Variants in ATXN1 observed in about 807,000 individuals in gnomAD.
ATXN1 encodes ataxin-1.
Under a neutral mutation model 56.4 loss-of-function variants are expected in ATXN1, and 8 were observed. That is an observed-to-expected ratio of 0.14 (90% CI 0.08 to 0.26). The LOEUF (loss-of-function observed/expected upper bound fraction) is 0.26. Among genes scored for constraint, ATXN1 ranks in the 10% least tolerant of loss-of-function variants. The probability of loss-of-function intolerance (pLI) is 1.00; values close to 1 mark genes in which losing one functional copy is unlikely to be tolerated. For missense variants in ATXN1, 987 were observed against 1,106.5 expected (o/e 0.89, Z 1.53); for synonymous variants, 514 against 494.6 (o/e 1.04, Z -0.52).
chr6:16,435,212 C>T (rs1462015635), intron 6 of ATXN1, among the ~76,000 whole-genome samples: 1 of 152,092 alleles, frequency 6.6e-6, no homozygotes, highest in Admixed American at 6.5e-5. Context: ...GTTCAGGTGA[C>T]ATTGTGATAC....
At chr6:16,618,970 T>C (rs1470493920) in intron 3 of ATXN1, among the ~76,000 whole-genome samples, 7 of 151,656 alleles carry the variant, frequency 4.6e-5, no homozygotes, top group Admixed American at 1.3e-4. Flanking sequence ...AAGACAAAAA[T>C]AAGCAATGAA....
intron 2 of ATXN1, among the ~76,000 whole-genome samples, chr6:16,740,289 G>A (rs1760292351): frequency 6.6e-6 from 1 of 152,122 alleles, no homozygotes; most frequent in Admixed American, 6.5e-5. Context: ...CTTAATTATT[G>A]GGGAAGTAAC....
intron 2 of ATXN1, among the ~76,000 whole-genome samples, chr6:16,735,809 C>A (rs754709135): frequency 6.6e-6 from 1 of 151,656 alleles, no homozygotes; most frequent in Admixed American, 6.6e-5. Context: ...GGCAACAGTG[C>A]GAGACTCCAT....
chr6:16,662,969 ATTTTTTT>A (rs57242101), intron 2 of ATXN1, among the ~76,000 whole-genome samples: 5 of 129,646 alleles, frequency 3.9e-5, no homozygotes, highest in Non-Finnish European at 6.4e-5. Flanking sequence ...TTCTGTTTGG[ATTTTTTT>A]TTTTTTTTTT....
chr6:16,538,429 CT>C (rs562251535), intron 4 of ATXN1, among the ~76,000 whole-genome samples: 5 of 151,644 alleles, frequency 3.3e-5, no homozygotes, highest in African/African-American at 1.2e-4. Context: ...TTTTTTTAAT[CT>C]TTTTTTTGTT....
chr6:16,464,746 T>TAA (rs34230333), intron 6 of ATXN1, among the ~76,000 whole-genome samples: 6 of 140,032 alleles, frequency 4.3e-5, no homozygotes, highest in Non-Finnish European at 6.2e-5. Context: ...ACAGGGATAG[T>TAA]AAAAAAAAAA....
chr6:16,605,225 C>T lies in ATXN1; in HGVS notation c.-488-19318G>A, dbSNP rs115569391. Among the ~76,000 whole-genome samples the T allele has an allele frequency of 8.6e-3, 1,316 of 152,278 alleles. 15 individuals carry two copies. Among genetic ancestry groups the T allele is most frequent in the African/African-American group, 0.029 (1,205 of 41,554 alleles). ...GTATAAGTTACATTTTATGACAACA[C>T]TAAATTCTCCTTTATATGTTCAGGC... On this transcript the variant is annotated intron_variant, in intron 3 of 7. Transcript: ENST00000436367.
chr6:16,346,701 T>C (rs559874582), intron 6 of ATXN1, among the ~76,000 whole-genome samples: 3 of 152,082 alleles, frequency 2.0e-5, no homozygotes, highest in South Asian at 2.1e-4. Context: ...TGGAGTGTAG[T>C]GAGAGGTGAC....
intron 2 of ATXN1, among the ~76,000 whole-genome samples, chr6:16,691,972 C>G (rs1203454961): frequency 1.3e-5 from 2 of 152,196 alleles, no homozygotes; most frequent in African/African-American, 4.8e-5. Context: ...TTAGAACAAG[C>G]CTTAGAATAG....
intron 3 of ATXN1, among the ~76,000 whole-genome samples, chr6:16,631,807 T>C (rs1394154546): frequency 6.6e-6 from 1 of 152,208 alleles, no homozygotes; most frequent in Admixed American, 6.5e-5. Context: ...TCTGTATGTT[T>C]TTTGAAGAAT....
At chr6:16,457,168 TA>T (rs759065716) in intron 6 of ATXN1, among the ~76,000 whole-genome samples, 11 of 152,180 alleles carry the variant, frequency 7.2e-5, no homozygotes, top group Non-Finnish European at 1.5e-4. Flanking sequence ...TAAGGGCCAC[TA>T]AATCTGACTT....
intron 6 of ATXN1, among the ~76,000 whole-genome samples, chr6:16,341,186 G>A (rs984813454): frequency 2.0e-5 from 3 of 152,208 alleles, no homozygotes; most frequent in Non-Finnish European, 4.4e-5. Context: ...CAATACAAAG[G>A]AGGATGCACA....
intron 4 of ATXN1, among the ~76,000 whole-genome samples, chr6:16,570,607 G>A (rs556962154): frequency 2.8e-4 from 43 of 152,264 alleles, no homozygotes; most frequent in African/African-American, 9.9e-4. Context: ...AAAACAGCTT[G>A]CTCACTTCAT....
At chr6:16,550,153 T>TACAAAAAAAAAAAAAAAAAAAAAAAA (rs1761893336) in intron 4 of ATXN1, among the ~76,000 whole-genome samples, 1 of 34,196 alleles carries the variant, frequency 2.9e-5, no homozygotes, top group African/African-American at 9.0e-5. Context: ...ATAAATAAAA[T>TACAAAAAAAAAAAAAAAAAAAAAAAA]ACAAAAAAAA....
At chr6:16,316,278 C>T (rs903027245) in intron 7 of ATXN1, among the ~76,000 whole-genome samples, 1 of 152,168 alleles carries the variant, frequency 6.6e-6, no homozygotes, top group African/African-American at 2.4e-5. Flanking sequence ...CCCATCCTGC[C>T]AAAAAATCTT....
At position 16,306,682 on chromosome 6, in the gene ATXN1, G is replaced by T; in HGVS notation, c.2095C>A (p.Gln699Lys). 1.9e-6 allele frequency: 3 copies of T among 1,614,204 alleles called. No homozygotes were observed. The highest frequency in any genetic ancestry group is 2.5e-6 in the Non-Finnish European group (3 of 1,180,048). Reference protein sequence around the residue: ...NLKNGSVKKGQPVDPASVLLK... With the variant: ...NLKNGSVKKGKPVDPASVLLK... The stretch of plus-strand genomic sequence containing the variant: ...AGGACGCTGGCGGGATCCACGGGCT[G>T]GCCCTTTTTAACAGAGCCGTTCTTC... Residue 699 changes from glutamine (Q) to lysine (K), a missense_variant, in exon 8 of 8, where the codon CAG becomes AAG. By Grantham distance (53) the Gln-to-Lys change is moderately conservative. Around this residue, in one of 3 missense-constraint regions of ATXN1, gnomAD observed 196 missense variants for 196.7 expected, o/e 1.00. Transcript: ENST00000436367. The surrounding 1 kb of genome is among the most constrained non-coding windows in gnomAD (Gnocchi z 5.2).
intron 4 of ATXN1, among the ~76,000 whole-genome samples, chr6:16,553,192 G>A (rs974439852): frequency 2.0e-5 from 3 of 152,222 alleles, no homozygotes; most frequent in African/African-American, 7.2e-5. Context: ...ATCACTGACA[G>A]CCAAGCATAC....
chr6:16,417,074 G>A (rs974111280), intron 6 of ATXN1, among the ~76,000 whole-genome samples: 21 of 152,046 alleles, frequency 1.4e-4, no homozygotes, highest in African/African-American at 2.4e-4. Flanking sequence ...CTCTGTTGCC[G>A]AGGCTGGAGG....
At chr6:16,737,458 G>A (rs960128760) in intron 2 of ATXN1, 3 of 152,210 alleles carry the variant, frequency 2.0e-5, no homozygotes, top group African/African-American at 7.2e-5. Flanking sequence ...ACTTTAGTAA[G>A]TGATGCCAAA....
Sources: gnomAD v4.1 joint callset for allele counts (sites outside exome capture counted in the v4.1 genomes callset) on GRCh38, gnomAD v4.1.1 for gene constraint, gnomAD v4.1.1 regional missense constraint, Gnocchi (gnomAD v3.1) non-coding constraint, MANE v1.5 for transcripts, NCBI Gene and HGNC (gene_info 2026-07-23, HGNC 2026-07-21) for gene names.